The following RXRA variants were observed in gnomAD, a reference collection of about 807,000 sequenced individuals.
The protein encoded by RXRA is retinoic acid receptor RXR-alpha.
RXRA carries 5 observed loss-of-function variants against 44.5 expected under a neutral mutation model. That is an observed-to-expected ratio of 0.11 (90% CI 0.06 to 0.24). RXRA has a LOEUF of 0.24. Ranked by LOEUF, RXRA falls within the 10% of genes least tolerant of loss-of-function variation. The probability of loss-of-function intolerance (pLI) is 1.00; values close to 1 mark genes in which losing one functional copy is unlikely to be tolerated. For missense variants in RXRA, 412 were observed against 646.5 expected (o/e 0.64, Z 3.93); for synonymous variants, 291 against 271.4 (o/e 1.07, Z -0.71).
intron 7 of RXRA, 115 bp from the exon 8 acceptor site, chr9:134,431,790 T>C (rs1831535978): frequency 1.4e-6 from 1 of 739,212 alleles, no homozygotes. Context: ...GCTTGGCCCA[T>C]CTCAGCGGCC....
At chr9:134,377,293 G>A (rs1830570176) in intron 1 of RXRA, among the ~76,000 whole-genome samples, 1 of 152,206 alleles carries the variant, frequency 6.6e-6, no homozygotes, top group Non-Finnish European at 1.5e-5. Context: ...CCCTCCCTGG[G>A]CCACATGCTG....
At chr9:134,340,886 G>A (rs1554748034) in intron 1 of RXRA, among the ~76,000 whole-genome samples, 1 of 152,218 alleles carries the variant, frequency 6.6e-6, no homozygotes, top group African/African-American at 2.4e-5. Context: ...GTGCGAATGA[G>A]CCTCATGTGA....
intron 1 of RXRA, chr9:134,379,670 G>A (rs1830612250): frequency 2.0e-6 from 2 of 985,280 alleles, no homozygotes; most frequent in African/African-American, 1.7e-5. Flanking sequence ...GTCCTGGGAG[G>A]TAGCAGGACA....
chr9:134,331,120 C>G (rs992748380), intron 1 of RXRA, among the ~76,000 whole-genome samples: 6 of 152,164 alleles, frequency 3.9e-5, no homozygotes, highest in Non-Finnish European at 1.5e-5. Flanking sequence ...GGAGAGCGCT[C>G]GCTGCTGCTG....
chr9:134,387,671 C>T (rs538839181), intron 1 of RXRA, among the ~76,000 whole-genome samples: 2 of 152,212 alleles, frequency 1.3e-5, no homozygotes, highest in Non-Finnish European at 2.9e-5. Flanking sequence ...CTCACAGAGC[C>T]GTCCATGAGC....
intron 5 of RXRA, among the ~76,000 whole-genome samples, chr9:134,418,803 G>T (rs542722307): frequency 1.3e-5 from 2 of 152,308 alleles, no homozygotes; most frequent in East Asian, 3.9e-4. Flanking sequence ...GCTGGTGATG[G>T]CTGTGCTGCT....
At chr9:134,398,986 GC>G (rs1328048398) in intron 1 of RXRA, among the ~76,000 whole-genome samples, 1 of 152,260 alleles carries the variant, frequency 6.6e-6, no homozygotes, top group Non-Finnish European at 1.5e-5. Flanking sequence ...CTTGAAGTCA[GC>G]ACAGTGTTTC....
At chr9:134,331,869 C>T (rs1835011633) in intron 1 of RXRA, among the ~76,000 whole-genome samples, 1 of 152,238 alleles carries the variant, frequency 6.6e-6, no homozygotes, top group Non-Finnish European at 1.5e-5. Flanking sequence ...CCCTGGTCCT[C>T]CTGCCTCTCA....
At chr9:134,351,087 G>A (rs1830216283) in intron 1 of RXRA, among the ~76,000 whole-genome samples, 1 of 152,252 alleles carries the variant, frequency 6.6e-6, no homozygotes. Flanking sequence ...ACACCGCATT[G>A]TGAGGAAGCG....
At chr9:134,422,264 T>C (rs1588303470) in intron 6 of RXRA, 2 of 1,275,126 alleles carry the variant, frequency 1.6e-6, no homozygotes, top group East Asian at 5.7e-5. Flanking sequence ...CCCAGGACGC[T>C]CCCCGCTCCC....
Position 134,349,839 on chromosome 9 carries a change from G to T in RXRA, c.28+23180G>T, listed in dbSNP as rs542602611. Among the ~76,000 whole-genome samples, 1 of 152,024 alleles carries T rather than the reference G, an allele frequency of 6.6e-6. No individual in the cohort carries two copies. The highest frequency in any genetic ancestry group is 6.5e-5 in the Admixed American group (1 of 15,276). Reference sequence around the variant, plus strand: ...TAGCTCGGGTGGGCGGGCGGGTGCCGCAGGCTCTCCTGTGGTAGGAGTCGG... The same window carrying T: ...TAGCTCGGGTGGGCGGGCGGGTGCCTCAGGCTCTCCTGTGGTAGGAGTCGG... On this transcript the variant is annotated intron_variant, in intron 1 of 9. Transcript: ENST00000481739. This position sits in a 1 kb window ranked among gnomAD's most constrained non-coding sequence, Gnocchi z 4.3.
rs1564265099 is a variant in RXRA at position 134,349,683 on chromosome 9, T to C, written c.28+23024T>C. ...TGCCTGCTGACTTGTCTCATGAGGT[T>C]TGGGGACTTTAGTTCAAGCTGAATG... On this transcript the variant is annotated intron_variant, in intron 1 of 9. Transcript: ENST00000481739. The surrounding 1 kb of genome is among the most constrained non-coding windows in gnomAD (Gnocchi z 4.3). Among the ~76,000 whole-genome samples the C allele has an allele frequency of 6.6e-6, 1 of 152,110 alleles. No homozygotes were observed. The highest frequency in any genetic ancestry group is 1.5e-5 in the Non-Finnish European group (1 of 67,990).
rs1831257374 is a variant in RXRA at position 134,417,546 on chromosome 9, A to G, written c.780+219A>G. Among the ~76,000 whole-genome samples, 1 of 151,846 alleles carries G rather than the reference A, an allele frequency of 6.6e-6. No homozygotes were observed. Among genetic ancestry groups the G allele is most frequent in the Admixed American group, 6.5e-5 (1 of 15,268 alleles). On this transcript the variant is annotated intron_variant, in intron 5 of 9. Coordinates refer to ENST00000481739, the MANE Select transcript of RXRA (RefSeq NM_002957.6). The surrounding 1 kb of genome is among the most constrained non-coding windows in gnomAD (Gnocchi z 6.1). ...CTCCTGGCCCATGCACGAGTAGCCC[A>G]TGGGGCAGGGGCCAGGGGCCAGGGG... is the stretch of plus-strand genomic sequence containing the variant.
rs573191962 is a variant in RXRA at position 134,422,665 on chromosome 9, C to T, written c.910+860C>T. 1.5e-5 allele frequency: 15 copies of T among 983,978 alleles called. No individual in the cohort carries two copies. The Admixed American group carries it at 3.7e-4, about 24-fold the overall frequency. 61.0% of individuals were successfully genotyped at this position (983,978 alleles called of 1,614,324 possible). On this transcript the variant is annotated intron_variant, in intron 6 of 9. Transcript: ENST00000481739. The stretch of plus-strand genomic sequence containing the variant: ...CCGGACACTCCCCACTCCCCGGACA[C>T]TCCCCACTCCCGGGACACTCCCCCG...
intron 6 of RXRA, chr9:134,422,546 C>G (rs200409867): frequency 4.1e-6 from 5 of 1,220,576 alleles, no homozygotes; most frequent in African/African-American, 1.6e-5. Flanking sequence ...ACACTCCCCC[C>G]TCCTGGGACA....
chr9:134,339,784 A>G (rs532490096), intron 1 of RXRA, among the ~76,000 whole-genome samples: 1 of 104,868 alleles, frequency 9.5e-6, no homozygotes, highest in South Asian at 2.9e-4. Flanking sequence ...CCCTTGTGTG[A>G]GCCTGTGTGT....
chr9:134,328,983 CT>C (rs1369100433), intron 1 of RXRA, among the ~76,000 whole-genome samples: 2 of 152,226 alleles, frequency 1.3e-5, no homozygotes, highest in East Asian at 3.8e-4. Context: ...GCAGCCCCAG[CT>C]TCCTGGCCCT....
At chr9:134,368,721 A>G (rs989151687) in intron 1 of RXRA, among the ~76,000 whole-genome samples, 3 of 150,604 alleles carry the variant, frequency 2.0e-5, no homozygotes, top group African/African-American at 7.4e-5. Flanking sequence ...GTGTGACTTC[A>G]TGCCATGTGT....
intron 2 of RXRA, among the ~76,000 whole-genome samples, chr9:134,406,966 C>A (rs1474750850): frequency 1.3e-5 from 2 of 152,196 alleles, no homozygotes; most frequent in African/African-American, 4.8e-5. Context: ...CAGTGGCCAC[C>A]CGCTTCTCCA....
Sources: gnomAD v4.1 joint callset for allele counts (sites outside exome capture counted in the v4.1 genomes callset) on GRCh38, gnomAD v4.1.1 for gene constraint, Gnocchi (gnomAD v3.1) non-coding constraint, MANE v1.5 for transcripts, NCBI Gene and HGNC (gene_info 2026-07-23, HGNC 2026-07-21) for gene names.